The following GNG7 variants were observed in gnomAD, a reference collection of about 807,000 sequenced individuals.
GNG7 encodes the protein G protein subunit gamma 7.
A neutral mutation model predicts 4.0 loss-of-function variants in GNG7; 1 was observed. That is an observed-to-expected ratio of 0.25 (90% CI 0.09 to 1.18). GNG7 has a LOEUF of 1.18. GNG7 is among the 50% of genes most tolerant of loss of function. The pLI is 0.50. For missense variants in GNG7, 86 were observed against 91.9 expected (o/e 0.94, Z 0.26); for synonymous variants, 34 against 36.9 (o/e 0.92, Z 0.29).
At position 2,612,507 on chromosome 19, in the gene GNG7, ACCCCCCCCAGG is replaced by A. The variant is rs1236777350; in HGVS notation, c.-78+33706_-78+33716del. Among the ~76,000 whole-genome samples the A allele has an allele frequency of 3.4e-5, 5 of 148,558 alleles. No homozygotes were observed. The East Asian group carries it at 9.9e-4, about 29-fold the overall frequency. On this transcript the variant is annotated intron_variant, in intron 2 of 4. Transcript: ENST00000382159. ...CCTCAGTGAGAAGACTGAAGCCAGG[ACCCCCCCCAGG>A]CAGGACCCAGGCTCCCACGGCACAA...
At chr19:2,632,551 C>G (rs779316443) in intron 2 of GNG7, 1 of 151,636 alleles carries the variant, frequency 6.6e-6, no homozygotes, top group Non-Finnish European at 1.5e-5. Flanking sequence ...AAACAGCTGA[C>G]GAACAGAGAC....
chr19:2,633,487 G>GCACACA lies in GNG7; in HGVS notation c.-78+12731_-78+12736dup, dbSNP rs796899840. On this transcript the variant is annotated intron_variant, in intron 2 of 4. Transcript: ENST00000382159. The surrounding 1 kb of genome is among the most constrained non-coding windows in gnomAD (Gnocchi z 5.9). ...TAGCAACAGGCGCGCGCGCGCGCGC[G>GCACACA]CACACACACACACACACACACACAC... Among the ~76,000 whole-genome samples the GCACACA allele has an allele frequency of 0.02, 2,029 of 103,682 alleles. 25 individuals carry two copies. Among genetic ancestry groups the GCACACA allele is most frequent in the Admixed American group, 0.034 (362 of 10,782 alleles). 68.0% of individuals were successfully genotyped at this position (103,682 alleles called of 152,430 possible).
chr19:2,552,591 G>T (rs569623323), intron 3 of GNG7, among the ~76,000 whole-genome samples: 3 of 151,414 alleles, frequency 2.0e-5, no homozygotes, highest in African/African-American at 7.3e-5. Flanking sequence ...CATCTTGTTG[G>T]TCAGGCTAGT....
At chr19:2,684,620 C>A (rs1983826496) in intron 1 of GNG7, among the ~76,000 whole-genome samples, 1 of 152,184 alleles carries the variant, frequency 6.6e-6, no homozygotes, top group Non-Finnish European at 1.5e-5. Context: ...GTGAGAGAAG[C>A]CAGGCACAGA....
intron 1 of GNG7, among the ~76,000 whole-genome samples, chr19:2,659,774 G>A (rs1469103030): frequency 6.9e-6 from 1 of 144,072 alleles, no homozygotes; most frequent in African/African-American, 2.6e-5. Flanking sequence ...AAGGGAGGGA[G>A]GGAGGGAGGG....
At chr19:2,537,285 G>A (rs975707475) in intron 3 of GNG7, among the ~76,000 whole-genome samples, 2 of 152,098 alleles carry the variant, frequency 1.3e-5, no homozygotes, top group African/African-American at 4.8e-5. Flanking sequence ...TCACTCTGTT[G>A]TCCAGGCTGG....
At chr19:2,526,897 G>C (rs923177114) in intron 3 of GNG7, among the ~76,000 whole-genome samples, 6 of 150,220 alleles carry the variant, frequency 4.0e-5, no homozygotes, top group South Asian at 2.1e-4. Context: ...CCAGGCTGGA[G>C]TGCAGTGGCA....
chr19:2,655,470 T>C (rs1373330181), intron 1 of GNG7, among the ~76,000 whole-genome samples: 1 of 151,878 alleles, frequency 6.6e-6, no homozygotes, highest in African/African-American at 2.4e-5. Context: ...CCCAGCACTT[T>C]GGGAGGATGA....
chr19:2,531,773 A>C (rs202228833), intron 3 of GNG7, among the ~76,000 whole-genome samples: 5 of 136,804 alleles, frequency 3.7e-5, no homozygotes, highest in African/African-American at 1.5e-4. Context: ...TCCGTCCCAA[A>C]AAAAAAAAAA....
intron 1 of GNG7, among the ~76,000 whole-genome samples, chr19:2,671,401 T>C (rs1312118628): frequency 6.6e-6 from 1 of 151,948 alleles, no homozygotes; most frequent in Non-Finnish European, 1.5e-5. Context: ...GGACCAACCC[T>C]CCAAGTGCTG....
In GNG7 at chr19:2,633,376, G is replaced by A. The variant is rs535443812; in HGVS notation, c.-78+12848C>T. ...CCGCCGTGTGTATTTTGAGTCAAAG[G>A]CGGCCAAGGCTCGATGAATCTGCCG... On this transcript the variant is annotated intron_variant, in intron 2 of 4. Coordinates refer to ENST00000382159, the MANE Select transcript of GNG7 (RefSeq NM_052847.3). The surrounding 1 kb of genome is among the most constrained non-coding windows in gnomAD (Gnocchi z 5.9). Among the ~76,000 whole-genome samples the A allele has an allele frequency of 9.1e-4, 139 of 152,152 alleles. No individual in the cohort carries two copies. The highest frequency in any genetic ancestry group is 1.8e-3 in the Non-Finnish European group (124 of 68,020).
intron 1 of GNG7, among the ~76,000 whole-genome samples, chr19:2,690,773 T>C (rs1227008966): frequency 6.6e-6 from 1 of 152,104 alleles, no homozygotes; most frequent in Non-Finnish European, 1.5e-5. Flanking sequence ...TTTGTATTGT[T>C]AATAAAGACG....
chr19:2,640,920 C>CG (rs1198980645), intron 2 of GNG7, among the ~76,000 whole-genome samples: 3 of 152,222 alleles, frequency 2.0e-5, no homozygotes, highest in Admixed American at 1.3e-4. Context: ...TGAGCCACCA[C>CG]ACCCAGGCTC....
intron 1 of GNG7, among the ~76,000 whole-genome samples, chr19:2,660,275 T>C: frequency 6.6e-6 from 1 of 152,248 alleles, no homozygotes; most frequent in East Asian, 1.9e-4. Context: ...CACAAGGCTC[T>C]GTGTAATTCT....
At chr19:2,655,548 T>C (rs1982944095) in intron 1 of GNG7, among the ~76,000 whole-genome samples, 1 of 150,190 alleles carries the variant, frequency 6.7e-6, no homozygotes, top group Admixed American at 6.7e-5. Flanking sequence ...ACTAAAAATA[T>C]AAAAATTAGG....
At chr19:2,693,832 G>A (rs560312132) in intron 1 of GNG7, among the ~76,000 whole-genome samples, 24 of 152,038 alleles carry the variant, frequency 1.6e-4, no homozygotes, top group South Asian at 4.1e-4. Context: ...ATGCGTCAAG[G>A]GTTAAAGAAT....
In GNG7 at chr19:2,578,177, T is replaced by TTTCA. The variant is rs527720948; in HGVS notation, c.-77-22990_-77-22989insTGAA. Among the ~76,000 whole-genome samples the TTTCA allele has an allele frequency of 5.0e-3, 764 of 151,966 alleles. 4 individuals carry two copies. Among genetic ancestry groups the TTTCA allele is most frequent in the African/African-American group, 0.017 (722 of 41,444 alleles). On this transcript the variant is annotated intron_variant, in intron 2 of 4. Coordinates refer to ENST00000382159, the MANE Select transcript of GNG7 (RefSeq NM_052847.3). ...TTCAGCATTATGACATCATAGAGGGTGCTGATTCTTAGGGGCTTTGAGGGT... is the reference window on the plus strand; with the variant it reads ...TTCAGCATTATGACATCATAGAGGGTTTCAGCTGATTCTTAGGGGCTTTGAGGGT...
intron 2 of GNG7, among the ~76,000 whole-genome samples, chr19:2,635,184 C>T (rs1337421391): frequency 2.0e-5 from 3 of 152,170 alleles, no homozygotes; most frequent in African/African-American, 4.8e-5. Flanking sequence ...GACATTGCCC[C>T]AGATGAGTGA....
intron 2 of GNG7, among the ~76,000 whole-genome samples, chr19:2,627,940 T>C (rs1035471691): frequency 1.3e-5 from 2 of 152,202 alleles, no homozygotes; most frequent in African/African-American, 4.8e-5. Flanking sequence ...TTGGACCAGA[T>C]CCCTGATCTT....
Sources: gnomAD v4.1 joint callset for allele counts (sites outside exome capture counted in the v4.1 genomes callset) on GRCh38, gnomAD v4.1.1 for gene constraint, Gnocchi (gnomAD v3.1) non-coding constraint, MANE v1.5 for transcripts, NCBI Gene and HGNC (gene_info 2026-07-23, HGNC 2026-07-21) for gene names.